Variants in MAPK15 observed in about 807,000 individuals in gnomAD.
MAPK15 encodes the protein ERK-7.
MAPK15 carries 61 observed loss-of-function variants against 60.8 expected under a neutral mutation model. The ratio of observed to expected loss-of-function variants is 1.00; its 90% CI spans 0.82 to 1.24. The LOEUF is 1.24. Among genes scored for constraint, MAPK15 ranks in the 50% most tolerant of loss-of-function variants. The pLI is 0.00. For missense variants in MAPK15, 808 were observed against 741.1 expected, an observed-to-expected ratio of 1.09 and a Z score of -1.05; for synonymous variants, 356 against 319.9, an observed-to-expected ratio of 1.11 and a Z score of -1.21.
Position 143,721,057 on chromosome 8 carries a change from C to T in MAPK15, c.975C>T (p.His325=), listed in dbSNP as rs782666864. Residue 325 remains histidine, a synonymous_variant, in exon 10 of 14, where the codon CAC becomes CAT. Transcript: ENST00000338033. Reference sequence around the variant, plus strand: ...AGGCAGATGTGCGGCCCCGGGCACACGAAGGGGTCCAGCTCTCTGTGCCTG... The same window carrying T: ...AGGCAGATGTGCGGCCCCGGGCACATGAAGGGGTCCAGCTCTCTGTGCCTG... The part of the protein sequence containing the change: ...AREADVRPRA[H]EGVQLSVPEY... 2.7e-5 allele frequency: 43 copies of T among 1,612,106 alleles called. No homozygotes were observed. The East Asian group carries it at 3.6e-4, about 13-fold the overall frequency.
Position 143,718,053 on chromosome 8 carries a change from T to C in MAPK15, c.172T>C (p.Phe58Leu). The change falls in exon 3 of 14, where the codon TTC becomes CTC. Residue 58 changes from phenylalanine to leucine, a missense_variant. Phe to Leu is a conservative substitution (Grantham distance 22, BLOSUM62 0). Transcript: ENST00000338033. ...FRDKTDAQRT[F>L]REITLLQEFG... ...TGTGTTTCTGTCTCTTCAGAGAACA[T>C]TCCGGGAAATCACGCTCCTCCAGGT... is the stretch of plus-strand genomic sequence containing the variant. 2 of 1,614,142 alleles carry C rather than the reference T, an allele frequency of 1.2e-6. No homozygotes were observed. Among genetic ancestry groups the C allele is most frequent in the African/African-American group, 2.7e-5 (2 of 75,036 alleles).
chr8:143,719,149 T>C lies in MAPK15; in HGVS notation c.574T>C (p.Ser192Pro), dbSNP rs142470971. ...WYRAPEVLLS[S>P]HRYTLGVDMW... ...CCGAGCACCGGAGGTGCTGCTCTCT[T>C]CGCACCGGTAATAGCGAGACATCCC... Residue 192 changes from serine to proline, a missense_variant, in exon 6 of 14, where the codon TCG (serine) becomes CCG (proline). Ser to Pro is a moderately conservative substitution (Grantham distance 74, BLOSUM62 -1). Transcript: ENST00000338033. 1.3e-4 allele frequency: 206 copies of C among 1,543,926 alleles called. No homozygotes were observed. The African/African-American group carries it at 2.6e-3, about 20-fold the overall frequency.
rs1554619266 is a variant in MAPK15 at position 143,719,401 on chromosome 8, G to A, written c.640G>A (p.Gly214Arg). The A allele has an allele frequency of 6.2e-7, 1 of 1,611,716 alleles. No homozygotes were observed. Residue 214 changes from glycine (G) to arginine (R), a missense_variant, in exon 7 of 14, where the codon GGG becomes AGG. Transcript: ENST00000338033. ...CTGTATCCTGGGGGAGATGCTGCGG[G>A]GGAGACCCCTGTTCCCCGGCACGTC... is the stretch of plus-strand genomic sequence containing the variant. ...LGCILGEMLR[G>R]RPLFPGTSTL...
Position 143,722,279 on chromosome 8 carries a change from C to T in MAPK15, c.*28C>T, listed in dbSNP as rs1210356841. 1.3e-6 allele frequency: 2 copies of T among 1,525,384 alleles called. No homozygotes were observed. Among genetic ancestry groups the T allele is most frequent in the African/African-American group, 2.7e-5 (2 of 72,728 alleles). The allele number at this position is 1,525,384 out of a possible 1,614,324, so 94.5% of individuals were successfully genotyped here. ...CGCCCTACTCCCTTCACCTGGCCCT[C>T]TGTTCCTGCCCCAGCCCCTTCCCCA... On this transcript the variant is annotated 3_prime_UTR_variant, in exon 14 of 14. Coordinates refer to ENST00000338033, the MANE Select transcript of MAPK15 (RefSeq NM_139021.3).
chr8:143,720,671 G>A lies in MAPK15; in HGVS notation c.780-32G>A, dbSNP rs782567055. 2.3e-5 allele frequency: 37 copies of A among 1,594,536 alleles called. 1 individual carries two copies. The South Asian group carries it at 3.4e-4, about 15-fold the overall frequency. The stretch of plus-strand genomic sequence containing the variant: ...GGATCTGAGGAGGGGCCCTTGGGTC[G>A]GGCCCTGGAGACGACACACGGCAGC... On this transcript the variant is annotated intron_variant, in intron 8 of 13. Coordinates refer to ENST00000338033, the MANE Select transcript of MAPK15 (RefSeq NM_139021.3). The surrounding 1 kb of genome is among the most constrained non-coding windows in gnomAD (Gnocchi z 4.6).
At chr8:143,719,904 G>A (rs925977320) in intron 7 of MAPK15, among the ~76,000 whole-genome samples, 14 of 152,028 alleles carry the variant, frequency 9.2e-5, no homozygotes, top group Non-Finnish European at 1.5e-4. Flanking sequence ...TCTTGAGGGC[G>A]GGGGCAAGAG....
rs1291645491 is a variant in MAPK15, at chr8:143,719,164, C to T, written c.581+8C>T. On this transcript the variant is annotated splice_region_variant and intron_variant, in intron 6 of 13. Transcript: ENST00000338033. ...GCTGCTCTCTTCGCACCGGTAATAG[C>T]GAGACATCCCCAACCCCCCCTCCAC... 7 of 1,493,648 alleles carry T rather than the reference C, an allele frequency of 4.7e-6. No homozygotes were observed. Among genetic ancestry groups the T allele is most frequent in the Middle Eastern group, 1.9e-4 (1 of 5,320 alleles). 92.5% of individuals were successfully genotyped at this position (1,493,648 alleles called of 1,614,324 possible).
chr8:143,716,352 A>G lies in MAPK15; in HGVS notation c.-26A>G. 1 of 1,584,706 alleles carries G rather than the reference A, an allele frequency of 6.3e-7. No homozygotes were observed. Among genetic ancestry groups the G allele is most frequent in the Admixed American group, 1.8e-5 (1 of 56,410 alleles). On this transcript the variant is annotated 5_prime_UTR_variant, in exon 1 of 14. Coordinates refer to ENST00000338033, the MANE Select transcript of MAPK15 (RefSeq NM_139021.3). ...TTCCCACGGCAACCGACTCAACAGT[A>G]AGGCCCCGCGGGCGTCCTGGCCGCC... is the stretch of plus-strand genomic sequence containing the variant.
rs1587442161 is a variant in MAPK15 at position 143,721,492 on chromosome 8, G to A, written c.1205-57G>A. On this transcript the variant is annotated intron_variant, in intron 11 of 13. Transcript: ENST00000338033. ...GTGCTGCCAACTATGCGCAGCATTC[G>A]GTTCCTGACCCTGGGGTTGACCCAC... The A allele has an allele frequency of 9.3e-6, 15 of 1,612,668 alleles. No homozygotes were observed. In the South Asian group the frequency reaches 1.3e-4, roughly 14 times the overall value.
At chr8:143,718,010 T>G (rs1339794767) in intron 2 of MAPK15, 37 bp from the exon 3 acceptor site, 1 of 1,613,830 alleles carries the variant, frequency 6.2e-7, no homozygotes, top group Non-Finnish European at 8.5e-7. Context: ...TCCTTCTTGC[T>G]CCACCCACCC....
chr8:143,721,135 C>G, intron 10 of MAPK15, 30 bp downstream of exon 10: 1 of 1,602,700 alleles, frequency 6.2e-7, no homozygotes, highest in Non-Finnish European at 8.5e-7. Flanking sequence ...CTATCATCCC[C>G]TGTCTACTGC....
chr8:143,721,871 C>A lies in MAPK15; in HGVS notation c.1449C>A (p.Ser483Arg), dbSNP rs370180308. Residue 483 changes from serine (S) to arginine (R), a missense_variant, in exon 13 of 14, where the codon AGC becomes AGA. Physicochemically the swap from Ser to Arg is moderately radical, Grantham distance 110 (BLOSUM62 -1). Transcript: ENST00000338033. ...GGGGCGGTGGGGTGAGGGTGGCCAG[C>A]GTACAACAGGTAAGCCCGGCCCAGT... ...WNRGGGVRVA[S>R]VQQVPPRLPP... The A allele has an allele frequency of 6.3e-6, 10 of 1,588,932 alleles. No homozygotes were observed. The South Asian group carries it at 8.0e-5, about 13-fold the overall frequency.
At chr8:143,718,357 G>GTCTGCGGGTCCC in intron 4 of MAPK15, 55 bp downstream of exon 4, 2 of 1,522,798 alleles carry the variant, frequency 1.3e-6, no homozygotes, top group Non-Finnish European at 1.8e-6. Context: ...TCCTGACGCC[G>GTCTGCGGGTCCC]TCTGCGGGTC....
In MAPK15 at chr8:143,720,830, T is replaced by C. The variant is rs1554619566; in HGVS notation, c.907T>C (p.Tyr303His). The C allele has an allele frequency of 6.8e-6, 11 of 1,612,452 alleles. No homozygotes were observed. Among genetic ancestry groups the C allele is most frequent in the Non-Finnish European group, 9.3e-6 (11 of 1,179,690 alleles). Residue 303 changes from tyrosine to histidine, a missense_variant, in exon 9 of 14, where the codon TAC (tyrosine) becomes CAC (histidine). Tyr to His is a moderately conservative substitution (Grantham distance 83, BLOSUM62 2). Coordinates refer to ENST00000338033, the MANE Select transcript of MAPK15 (RefSeq NM_139021.3). The surrounding 1 kb of genome is among the most constrained non-coding windows in gnomAD (Gnocchi z 4.6). ...LSATQALQHP[Y>H]VQRFHCPSDE... is the part of the protein sequence containing the mutation. Reference sequence around the variant, plus strand: ...CGCGACCCAGGCACTGCAGCACCCCTACGTGCAGAGGTGGGGGTGGGAGAG... The same window carrying C: ...CGCGACCCAGGCACTGCAGCACCCCCACGTGCAGAGGTGGGGGTGGGAGAG...
rs782371903 is a variant in MAPK15, at chr8:143,721,821, G to A, written c.1399G>A (p.Ala467Thr). ...GGCTGCGGCTCAGGTGGCCAACCAG[G>A]CCCTGATCCGGGGTGACTGGAACCG... Reference protein sequence around the residue: ...SQAAAQVANQALIRGDWNRGG... With the variant: ...SQAAAQVANQTLIRGDWNRGG... Residue 467 changes from alanine to threonine, a missense_variant, in exon 13 of 14, where the codon GCC becomes ACC. Coordinates refer to ENST00000338033, the MANE Select transcript of MAPK15 (RefSeq NM_139021.3). 1.2e-6 allele frequency: 2 copies of A among 1,611,804 alleles called. No homozygotes were observed. The highest frequency in any genetic ancestry group is 2.7e-5 in the African/African-American group (2 of 74,884).
chr8:143,721,413 T>G lies in MAPK15; in HGVS notation c.1204+2T>G. 1 of 1,609,872 alleles carries G rather than the reference T, an allele frequency of 6.2e-7. No individual in the cohort carries two copies. The highest frequency in any genetic ancestry group is 8.5e-7 in the Non-Finnish European group (1 of 1,177,896). On this transcript the variant is annotated splice_donor_variant, in intron 11 of 13. Coordinates refer to ENST00000338033, the MANE Select transcript of MAPK15 (RefSeq NM_139021.3). LOFTEE classifies it high-confidence loss of function. ...CAGGCCATGACCCTGCCGAGCACGG[T>G]GTGTGATCTTTGCTGGCCGCCCACG... is the stretch of plus-strand genomic sequence containing the variant.
chr8:143,719,693 T>C (rs903800675), intron 7 of MAPK15, among the ~76,000 whole-genome samples: 1 of 152,074 alleles, frequency 6.6e-6, no homozygotes, highest in African/African-American at 2.4e-5. Context: ...AGGCAGCACC[T>C]GGCACAGTCA....
In MAPK15 at chr8:143,721,628, A is replaced by G. The variant is rs781907792; in HGVS notation, c.1284A>G (p.Glu428=). The G allele has an allele frequency of 6.2e-7, 1 of 1,611,726 alleles. No individual in the cohort carries two copies. The highest frequency in any genetic ancestry group is 8.5e-7 in the Non-Finnish European group (1 of 1,178,730). The change falls in exon 12 of 14, where the codon GAA becomes GAG. Residue 428 remains glutamate (E), a synonymous_variant. Transcript: ENST00000338033. ...AAACTGCTCTCCTAGGGAATGGGGA[A>G]AGGCCCCCTGGGGCGAAGGAAGCGC... ...LLQTALLGNG[E]RPPGAKEAPP... is the part of the protein sequence containing the mutation.
chr8:143,716,879 G>A (rs1161642871), intron 1 of MAPK15, among the ~76,000 whole-genome samples: 1 of 152,154 alleles, frequency 6.6e-6, no homozygotes, highest in African/African-American at 2.4e-5. Flanking sequence ...CAGAGTGAAG[G>A]GCAGAGCCTT....
Sources: allele counts gnomAD v4.1 joint callset (sites outside exome capture counted in the v4.1 genomes callset), GRCh38; gene constraint gnomAD v4.1.1; non-coding constraint Gnocchi (gnomAD v3.1); transcripts MANE v1.5; gene names NCBI Gene and HGNC (gene_info 2026-07-23, HGNC 2026-07-21).